ANKMY2: variants seen among roughly 807,000 people sequenced by gnomAD.
ANKMY2 encodes the protein ankyrin repeat and MYND domain containing 2, also known as ankyrin repeat and MYND domain-containing protein 2.
Under a neutral mutation model 50.4 loss-of-function variants are expected in ANKMY2, and 36 were observed. The observed-to-expected ratio is 0.71, with a 90% confidence interval of 0.55 to 0.94. ANKMY2 has a LOEUF of 0.94. Ranked by LOEUF, ANKMY2 falls within the 40% of genes least tolerant of loss-of-function variation. The pLI is 0.00. For missense variants in ANKMY2, 565 were observed against 524.0 expected, an observed-to-expected ratio of 1.08 and a Z score of -0.76; for synonymous variants, 187 against 178.8, an observed-to-expected ratio of 1.05 and a Z score of -0.36.
At chr7:16,642,840 A>C (rs549096262) in intron 1 of ANKMY2, among the ~76,000 whole-genome samples, 2 of 152,326 alleles carry the variant, frequency 1.3e-5, no homozygotes, top group East Asian at 3.9e-4. Context: ...TGCTAGAACT[A>C]AATGACCTCT....
intron 8 of ANKMY2, among the ~76,000 whole-genome samples, chr7:16,603,370 G>A (rs476489): frequency 0.16 from 24,683 of 152,182 alleles, 2,190 homozygotes; most frequent in Admixed American, 0.3. Flanking sequence ...GTGGTGAGTC[G>A]AGGTAGACAG....
chr7:16,604,871 G>GA (rs1562765579), intron 7 of ANKMY2, 22 bp from the exon 8 acceptor site: 1 of 1,588,044 alleles, frequency 6.3e-7, no homozygotes, highest in South Asian at 1.1e-5. Flanking sequence ...ATGAAGAGGA[G>GA]AAAAAACAAA....
intron 5 of ANKMY2, 67 bp downstream of exon 5, chr7:16,615,677 A>C (rs1008917901): frequency 5.0e-6 from 8 of 1,593,962 alleles, no homozygotes; most frequent in Non-Finnish European, 6.9e-6. Context: ...GATCCTGTAT[A>C]ATAAAAGCAG....
chr7:16,621,407 T>C (rs1231307682), intron 4 of ANKMY2, among the ~76,000 whole-genome samples: 3 of 152,194 alleles, frequency 2.0e-5, no homozygotes, highest in East Asian at 1.9e-4. Flanking sequence ...AATTATATAA[T>C]CATTTAGTAA....
chr7:16,644,897 G>C, intron 1 of ANKMY2: 1 of 347,612 alleles, frequency 2.9e-6, no homozygotes, highest in Admixed American at 3.9e-5. Flanking sequence ...GGGTGTGGAG[G>C]CCTCGCCAAT....
rs1216057339 is a variant in ANKMY2 at position 16,610,595 on chromosome 7, T to C, written c.700A>G (p.Asn234Asp). The C allele has an allele frequency of 6.2e-7, 1 of 1,613,856 alleles. No individual in the cohort carries two copies. The highest frequency in any genetic ancestry group is 1.3e-5 in the African/African-American group (1 of 74,944). The change falls in exon 6 of 10, where the codon AAC becomes GAC. Residue 234 changes from asparagine (N) to aspartate (D), a missense_variant. Transcript: ENST00000306999. ...TTATTCTCTCCATCTTTTAAGAAGT[T>C]AATGCATTTCTGAAAGATACAGCTT... The part of the protein sequence containing the change: ...YISCIFQKCI[N>D]FLKDGENKLD...
intron 8 of ANKMY2, among the ~76,000 whole-genome samples, chr7:16,603,113 A>G (rs1004257479): frequency 5.9e-5 from 9 of 152,270 alleles, no homozygotes; most frequent in East Asian, 1.9e-4. Flanking sequence ...CTTTAAAACA[A>G]TAATGAATAT....
intron 2 of ANKMY2, among the ~76,000 whole-genome samples, chr7:16,633,473 T>C (rs1338388123): frequency 6.6e-6 from 1 of 152,152 alleles, no homozygotes; most frequent in Non-Finnish European, 1.5e-5. Flanking sequence ...AAGCTTTTGA[T>C]AAATGTTGTA....
At chr7:16,614,055 G>A (rs1044013472) in intron 5 of ANKMY2, among the ~76,000 whole-genome samples, 10 of 152,086 alleles carry the variant, frequency 6.6e-5, no homozygotes, top group African/African-American at 2.4e-4. Flanking sequence ...ATCCTGTATT[G>A]CTCAGGCAGT....
chr7:16,637,249 C>G (rs1290636316), intron 1 of ANKMY2, among the ~76,000 whole-genome samples: 1 of 152,116 alleles, frequency 6.6e-6, no homozygotes, highest in African/African-American at 2.4e-5. Flanking sequence ...ATAAGCCTCT[C>G]CTATAAAAGA....
intron 4 of ANKMY2, among the ~76,000 whole-genome samples, chr7:16,620,188 G>A (rs147239845): frequency 2.0e-5 from 3 of 152,284 alleles, no homozygotes; most frequent in Non-Finnish European, 4.4e-5. Context: ...TGCAAAAATG[G>A]AGACAAAGGG....
intron 8 of ANKMY2, among the ~76,000 whole-genome samples, chr7:16,603,201 T>C (rs1216309140): frequency 6.6e-6 from 1 of 152,094 alleles, no homozygotes; most frequent in African/African-American, 2.4e-5. Context: ...TACAGTACAA[T>C]GACAAGGAAG....
At chr7:16,630,128 A>G (rs1033834436) in intron 2 of ANKMY2, among the ~76,000 whole-genome samples, 2 of 152,224 alleles carry the variant, frequency 1.3e-5, no homozygotes, top group East Asian at 3.8e-4. Flanking sequence ...ACTTAGTATC[A>G]GACAGAATAC....
intron 7 of ANKMY2, 75 bp downstream of exon 7, chr7:16,609,555 A>G (rs543602119): frequency 4.2e-6 from 6 of 1,424,226 alleles, no homozygotes; most frequent in Non-Finnish European, 5.6e-6. Flanking sequence ...TATTAAAGAG[A>G]ACTTGCCTTT....
intron 4 of ANKMY2, among the ~76,000 whole-genome samples, chr7:16,620,591 T>TACAC (rs58418780): frequency 0.18 from 26,345 of 145,386 alleles, 2,352 homozygotes; most frequent in Admixed American, 0.27. Flanking sequence ...AATACATGTG[T>TACAC]ACACACACAC....
At chr7:16,622,775 A>C (rs903225800) in intron 4 of ANKMY2, among the ~76,000 whole-genome samples, 3 of 103,142 alleles carry the variant, frequency 2.9e-5, no homozygotes, top group Non-Finnish European at 4.8e-5. Flanking sequence ...TAAATAAATA[A>C]ATAAATAAAT....
At chr7:16,600,987 TCAGA>T in intron 9 of ANKMY2, 42 bp from the exon 10 acceptor site, 1 of 1,482,552 alleles carries the variant, frequency 6.7e-7, no homozygotes, top group Non-Finnish European at 9.1e-7. Flanking sequence ...CTACCATGTG[TCAGA>T]CACTCTTCTC....
rs1177674633 is a variant in ANKMY2 at position 16,600,771 on chromosome 7, G to A, written c.1316C>T (p.Ser439Phe). 2 of 1,608,464 alleles carry A rather than the reference G, an allele frequency of 1.2e-6. No homozygotes were observed. The highest frequency in any genetic ancestry group is 3.4e-5 in the Admixed American group (2 of 59,078). The stretch of plus-strand genomic sequence containing the variant: ...CACTTGCTCTGGCTTTTACTCCTCA[G>A]ACACCTGTGGCCCTGCAGGAGCATC... ...LQDAPAGPQV[S>F]EE Residue 439 changes from serine to phenylalanine, a missense_variant, in exon 10 of 10, where the codon TCT becomes TTT. Transcript: ENST00000306999.
intron 5 of ANKMY2, among the ~76,000 whole-genome samples, chr7:16,611,761 C>T (rs1781257087): frequency 6.6e-6 from 1 of 152,196 alleles, no homozygotes; most frequent in Non-Finnish European, 1.5e-5. Context: ...ATTTTACATA[C>T]ACCTACCCTT....
Sources: gnomAD v4.1 joint callset for allele counts (sites outside exome capture counted in the v4.1 genomes callset) on GRCh38, gnomAD v4.1.1 for gene constraint, MANE v1.5 for transcripts, NCBI Gene and HGNC (gene_info 2026-07-23, HGNC 2026-07-21) for gene names.